The following ST6GALNAC3 variants were observed in gnomAD, a reference collection of about 807,000 sequenced individuals.
ST6GALNAC3 encodes the protein ST6 N-acetylgalactosaminide alpha-2,6-sialyltransferase 3, also known as alpha-N-acetylgalactosaminide alpha-2,6-sialyltransferase 3.
A neutral mutation model predicts 32.7 loss-of-function variants in ST6GALNAC3; 25 were observed. That is an observed-to-expected ratio of 0.76 (90% confidence interval 0.56 to 1.07). The LOEUF is 1.07. Ranked by LOEUF, ST6GALNAC3 falls within the 50% of genes least tolerant of loss-of-function variation. The probability of loss-of-function intolerance (pLI) is 0.00; values close to 1 mark genes in which losing one functional copy is unlikely to be tolerated. For missense variants in ST6GALNAC3, 355 were observed against 382.4 expected, an observed-to-expected ratio of 0.93 and a Z score of 0.60; for synonymous variants, 129 against 133.1, an observed-to-expected ratio of 0.97 and a Z score of 0.21.
intron 3 of ST6GALNAC3, among the ~76,000 whole-genome samples, chr1:76,587,817 G>T (rs866801002): frequency 6.6e-6 from 1 of 152,280 alleles, no homozygotes; most frequent in South Asian, 2.1e-4. Context: ...AAGCCTGAAG[G>T]CTGGGATTGG....
intron 2 of ST6GALNAC3, among the ~76,000 whole-genome samples, chr1:76,338,962 T>C (rs886895692): frequency 6.6e-6 from 1 of 152,190 alleles, no homozygotes. Context: ...CCAACCACTG[T>C]CACTTATCTG....
chr1:76,104,610 C>CT (rs11430411), intron 1 of ST6GALNAC3, among the ~76,000 whole-genome samples: 36,795 of 134,348 alleles, frequency 0.27, 5,860 homozygotes, highest in African/African-American at 0.45. Flanking sequence ...TGGCCTGACG[C>CT]TTTTTTTTTT....
chr1:76,242,848 C>A (rs1657046582), intron 1 of ST6GALNAC3, among the ~76,000 whole-genome samples: 1 of 152,278 alleles, frequency 6.6e-6, no homozygotes, highest in South Asian at 2.1e-4. Flanking sequence ...TTTATCCATT[C>A]CATCATCAGT....
chr1:76,157,627 G>A lies in ST6GALNAC3; in HGVS notation c.18+82743G>A, dbSNP rs1317890527. Among the ~76,000 whole-genome samples, 6 of 152,008 alleles carry A rather than the reference G, an allele frequency of 3.9e-5. No homozygotes were observed. The East Asian group carries it at 9.6e-4, about 24-fold the overall frequency. On this transcript the variant is annotated intron_variant, in intron 1 of 4. Coordinates refer to ENST00000328299, the MANE Select transcript of ST6GALNAC3 (RefSeq NM_152996.4). ...TTTGTCACATGCTGTATTTCATTCC[G>A]GGATTACCCTGACTGCCTAAATGAT...
At chr1:76,184,543 A>G (rs938308990) in intron 1 of ST6GALNAC3, among the ~76,000 whole-genome samples, 1 of 151,074 alleles carries the variant, frequency 6.6e-6, no homozygotes, top group Non-Finnish European at 1.5e-5. Context: ...ACACACACAC[A>G]CACACACACA....
At chr1:76,464,359 A>G (rs542174142) in intron 3 of ST6GALNAC3, among the ~76,000 whole-genome samples, 1 of 152,306 alleles carries the variant, frequency 6.6e-6, no homozygotes, top group South Asian at 2.1e-4. Flanking sequence ...GATACTTGGA[A>G]AGCTCAATAA....
intron 2 of ST6GALNAC3, among the ~76,000 whole-genome samples, chr1:76,354,426 T>C (rs1265782142): frequency 6.6e-6 from 1 of 152,238 alleles, no homozygotes; most frequent in Non-Finnish European, 1.5e-5. Context: ...GCACATGTTC[T>C]CAGTACCTGG....
At chr1:76,636,374 A>C (rs990761524), downstream of ST6GALNAC3, among the ~76,000 whole-genome samples, 7 of 152,106 alleles carry the variant, frequency 4.6e-5, no homozygotes, top group African/African-American at 1.4e-4. Flanking sequence ...GATGTCACAG[A>C]GATTAGCCTT....
intron 3 of ST6GALNAC3, among the ~76,000 whole-genome samples, chr1:76,421,380 G>A (rs1655020136): frequency 6.6e-6 from 1 of 152,024 alleles, no homozygotes; most frequent in African/African-American, 2.4e-5. Context: ...AACTGGCAGA[G>A]CCATTCCTCA....
chr1:76,337,601 C>T (rs113773331), intron 2 of ST6GALNAC3, among the ~76,000 whole-genome samples: 2 of 152,188 alleles, frequency 1.3e-5, no homozygotes, highest in East Asian at 1.9e-4. Flanking sequence ...CTGGGGGTCA[C>T]GATCTCCTGG....
intron 1 of ST6GALNAC3, among the ~76,000 whole-genome samples, chr1:76,173,042 A>T (rs1407456759): frequency 1.3e-5 from 2 of 152,222 alleles, no homozygotes; most frequent in African/African-American, 4.8e-5. Flanking sequence ...ACCCTAAGCA[A>T]AAAGAACAAA....
chr1:76,286,593 C>A (rs914513804), intron 1 of ST6GALNAC3, among the ~76,000 whole-genome samples: 2 of 152,238 alleles, frequency 1.3e-5, no homozygotes, highest in African/African-American at 2.4e-5. Context: ...CTGCCCTTGA[C>A]CTTGGGCAAC....
At position 76,632,139 on chromosome 1, in the gene ST6GALNAC3, A is replaced by G. The variant is rs955359669; in HGVS notation, c.*3333A>G. The G allele has an allele frequency of 6.6e-6, 1 of 152,116 alleles. No individual in the cohort carries two copies. Among genetic ancestry groups the G allele is most frequent in the African/African-American group, 2.4e-5 (1 of 41,430 alleles). 9.4% of individuals were successfully genotyped at this position (152,116 alleles called of 1,614,324 possible). A position where few individuals can be genotyped will look rare whatever the true frequency, so the allele number is the denominator to read the frequency against. ...ATAATCCTATATTCTTCACTGGTGC[A>G]TGTGAATCACAGAAAGCCCTATTTT... is the stretch of plus-strand genomic sequence containing the variant. On this transcript the variant is annotated 3_prime_UTR_variant, in exon 5 of 5. Coordinates refer to ENST00000328299, the MANE Select transcript of ST6GALNAC3 (RefSeq NM_152996.4).
chr1:76,372,508 A>G (rs1445921017), intron 2 of ST6GALNAC3, among the ~76,000 whole-genome samples: 1 of 151,852 alleles, frequency 6.6e-6, no homozygotes, highest in Admixed American at 6.6e-5. Flanking sequence ...TTTTCCTCTA[A>G]ATTCCTTTCC....
chr1:76,562,612 G>C (rs1187963787), intron 3 of ST6GALNAC3, among the ~76,000 whole-genome samples: 2 of 152,180 alleles, frequency 1.3e-5, no homozygotes, highest in Non-Finnish European at 2.9e-5. Context: ...GAGTTGGCCT[G>C]CCTATGTGGA....
intron 3 of ST6GALNAC3, among the ~76,000 whole-genome samples, chr1:76,429,792 T>G (rs1309558433): frequency 6.6e-6 from 1 of 151,906 alleles, no homozygotes; most frequent in Non-Finnish European, 1.5e-5. Flanking sequence ...AAACAGAGAC[T>G]GTTCAAGTAA....
chr1:76,125,775 G>T (rs1041362782), intron 1 of ST6GALNAC3, among the ~76,000 whole-genome samples: 2 of 152,130 alleles, frequency 1.3e-5, no homozygotes, highest in Admixed American at 6.5e-5. Flanking sequence ...TGGTTTCCCT[G>T]CCTTTTCTTT....
intron 1 of ST6GALNAC3, among the ~76,000 whole-genome samples, chr1:76,225,121 C>T (rs148400208): frequency 6.6e-6 from 1 of 152,018 alleles, no homozygotes; most frequent in African/African-American, 2.4e-5. Flanking sequence ...TACCCACCTG[C>T]TAATCTACAA....
At chr1:76,453,842 C>G (rs1657578481) in intron 3 of ST6GALNAC3, among the ~76,000 whole-genome samples, 1 of 151,844 alleles carries the variant, frequency 6.6e-6, no homozygotes. Context: ...GTTCATTTTC[C>G]ATCTTGATGA....
Sources: allele counts gnomAD v4.1 joint callset (sites outside exome capture counted in the v4.1 genomes callset), GRCh38; gene constraint gnomAD v4.1.1; transcripts MANE v1.5; gene names NCBI Gene and HGNC (gene_info 2026-07-23, HGNC 2026-07-21).